CNTN5: variants seen among roughly 807,000 people sequenced by gnomAD.
The protein encoded by CNTN5 is contactin 5.
Under a neutral mutation model 129.1 loss-of-function variants are expected in CNTN5, and 77 were observed. The ratio of observed to expected loss-of-function variants is 0.60; its 90% CI spans 0.50 to 0.72. The LOEUF is 0.72. Among genes scored for constraint, CNTN5 ranks in the 30% least tolerant of loss-of-function variants. The pLI is 0.00. For missense variants in CNTN5, 1,478 were observed against 1,328.8 expected, an observed-to-expected ratio of 1.11 and a Z score of -1.75; for synonymous variants, 509 against 465.6, an observed-to-expected ratio of 1.09 and a Z score of -1.20.
intron 3 of CNTN5, among the ~76,000 whole-genome samples, chr11:99,651,036 C>A (rs971419694): frequency 6.6e-5 from 10 of 151,956 alleles, no homozygotes; most frequent in Middle Eastern, 3.4e-3. Context: ...AATTTATTCT[C>A]AATATATGCT....
chr11:99,322,303 C>T (rs1211483403), intron 1 of CNTN5, among the ~76,000 whole-genome samples: 3 of 152,052 alleles, frequency 2.0e-5, no homozygotes, highest in Non-Finnish European at 4.4e-5. Context: ...ACCCAAATTT[C>T]GTCTTCTTAT....
intron 1 of CNTN5, among the ~76,000 whole-genome samples, chr11:99,184,524 T>C (rs10892862): frequency 0.35 from 52,454 of 151,948 alleles, 9,176 homozygotes; most frequent in African/African-American, 0.37. Context: ...TTTTCTCTTA[T>C]TGCAACATTT....
At chr11:100,173,345 G>C (rs956433681) in intron 13 of CNTN5, among the ~76,000 whole-genome samples, 1 of 152,062 alleles carries the variant, frequency 6.6e-6, no homozygotes, top group African/African-American at 2.4e-5. Flanking sequence ...AAGAGGGAAG[G>C]CTCCTAGCAC....
intron 4 of CNTN5, among the ~76,000 whole-genome samples, chr11:99,834,558 G>T (rs919495216): frequency 6.6e-6 from 1 of 152,046 alleles, no homozygotes; most frequent in South Asian, 2.1e-4. Flanking sequence ...GCAAACGATT[G>T]CACTTTTATT....
chr11:100,090,824 C>A (rs893619174), intron 13 of CNTN5, among the ~76,000 whole-genome samples: 1 of 151,258 alleles, frequency 6.6e-6, no homozygotes, highest in Non-Finnish European at 1.5e-5. Flanking sequence ...ATCTTTTGAA[C>A]TGCTTAAAGT....
At chr11:99,760,828 A>T (rs1040605221) in intron 3 of CNTN5, among the ~76,000 whole-genome samples, 1 of 152,168 alleles carries the variant, frequency 6.6e-6, no homozygotes, top group Non-Finnish European at 1.5e-5. Flanking sequence ...ATTACTATTT[A>T]TTACACACAC....
chr11:99,963,656 C>T (rs1951013115), intron 8 of CNTN5, among the ~76,000 whole-genome samples: 1 of 152,084 alleles, frequency 6.6e-6, no homozygotes. Context: ...TTTTTGGTTC[C>T]ATATGAACTT....
intron 6 of CNTN5, among the ~76,000 whole-genome samples, chr11:99,907,056 C>G (rs945330343): frequency 1.3e-5 from 2 of 151,690 alleles, no homozygotes; most frequent in Admixed American, 1.3e-4. Context: ...TTTTGTTAAT[C>G]TTTTCAAAAA....
At chr11:100,100,938 G>C (rs559666310) in intron 13 of CNTN5, among the ~76,000 whole-genome samples, 1 of 152,152 alleles carries the variant, frequency 6.6e-6, no homozygotes, top group East Asian at 1.9e-4. Context: ...CAATTTTCTT[G>C]CATCAACTGA....
chr11:99,916,092 T>A lies in CNTN5; in HGVS notation c.616T>A (p.Ser206Thr), dbSNP rs1438711557. 2 of 1,612,536 alleles carry A rather than the reference T, an allele frequency of 1.2e-6. No homozygotes were observed. The highest frequency in any genetic ancestry group is 1.7e-6 in the Non-Finnish European group (2 of 1,179,266). ...NFSGRTRSAV[S>T]VREGQGVVLM... ...TAGTGGCCGGACAAGAAGTGCAGTCTCTGTGAGGGAAGGCCAGGGTGTCGT... is the reference window on the plus strand; with the variant it reads ...TAGTGGCCGGACAAGAAGTGCAGTCACTGTGAGGGAAGGCCAGGGTGTCGT... The change falls in exon 7 of 25, where the codon TCT (serine) becomes ACT (threonine). Residue 206 changes from serine to threonine, a missense_variant. Coordinates refer to ENST00000524871, the MANE Select transcript of CNTN5 (RefSeq NM_014361.4).
At chr11:99,875,442 T>C (rs1367858494) in intron 6 of CNTN5, among the ~76,000 whole-genome samples, 1 of 152,154 alleles carries the variant, frequency 6.6e-6, no homozygotes, top group Non-Finnish European at 1.5e-5. Flanking sequence ...TTCATTTGCT[T>C]TTTTTCTATA....
At chr11:99,648,031 C>T (rs1591419302) in intron 3 of CNTN5, among the ~76,000 whole-genome samples, 1 of 151,870 alleles carries the variant, frequency 6.6e-6, no homozygotes, top group Non-Finnish European at 1.5e-5. Flanking sequence ...TTCTGGTTTC[C>T]TCATTCAGTA....
At chr11:100,160,319 A>C (rs1199512722) in intron 13 of CNTN5, among the ~76,000 whole-genome samples, 1 of 151,952 alleles carries the variant, frequency 6.6e-6, no homozygotes, top group Non-Finnish European at 1.5e-5. Context: ...CCAGTCTCTC[A>C]TTGATGGGCA....
intron 3 of CNTN5, among the ~76,000 whole-genome samples, chr11:99,694,214 A>G (rs76399082): frequency 0.028 from 4,310 of 152,196 alleles, 192 homozygotes; most frequent in African/African-American, 0.094. Flanking sequence ...AGTTCGTGCT[A>G]TACTTCAGGG....
intron 1 of CNTN5, among the ~76,000 whole-genome samples, chr11:99,078,297 T>A (rs1865656854): frequency 6.6e-6 from 1 of 152,216 alleles, no homozygotes; most frequent in African/African-American, 2.4e-5. Context: ...TTTAAATTGT[T>A]GATTAACAAT....
intron 3 of CNTN5, among the ~76,000 whole-genome samples, chr11:99,679,829 G>T (rs1953473600): frequency 6.6e-6 from 1 of 152,212 alleles, no homozygotes; most frequent in African/African-American, 2.4e-5. Flanking sequence ...TCAAACCTTA[G>T]CCAGGCTGTG....
intron 17 of CNTN5, among the ~76,000 whole-genome samples, chr11:100,270,324 C>G (rs1347112080): frequency 1.3e-5 from 2 of 152,224 alleles, no homozygotes; most frequent in Non-Finnish European, 2.9e-5. Flanking sequence ...CACCCCGGCT[C>G]TACTGCCATG....
At chr11:99,769,985 T>C (rs1176405816) in intron 3 of CNTN5, among the ~76,000 whole-genome samples, 2 of 152,134 alleles carry the variant, frequency 1.3e-5, no homozygotes, top group Non-Finnish European at 2.9e-5. Flanking sequence ...CATTTTTTTG[T>C]TTTATTTTCT....
chr11:100,225,132 T>C (rs1433868726), intron 16 of CNTN5: 3 of 170,166 alleles, frequency 1.8e-5, no homozygotes, highest in African/African-American at 4.7e-5. Flanking sequence ...GAGATAAAAT[T>C]TGTGTGTGTG....
Sources: allele counts gnomAD v4.1 joint callset (sites outside exome capture counted in the v4.1 genomes callset), GRCh38; gene constraint gnomAD v4.1.1; transcripts MANE v1.5; gene names NCBI Gene and HGNC (gene_info 2026-07-23, HGNC 2026-07-21).